Variants in RABGAP1L observed in about 807,000 individuals in gnomAD.
The protein encoded by RABGAP1L is rab GTPase-activating protein 1-like.
A neutral mutation model predicts 137.7 loss-of-function variants in RABGAP1L; 63 were observed. The ratio of observed to expected loss-of-function variants is 0.46; its 90% CI spans 0.37 to 0.56. The LOEUF is 0.56. Among genes scored for constraint, RABGAP1L ranks in the 20% least tolerant of loss-of-function variants. The probability of loss-of-function intolerance (pLI) is 0.00; values close to 1 mark genes in which losing one functional copy is unlikely to be tolerated. For synonymous variants in RABGAP1L, 431 were observed against 433.7 expected (o/e 0.99, Z 0.08); for missense variants, 1,095 against 1,244.0 (o/e 0.88, Z 1.80).
intron 14 of RABGAP1L, among the ~76,000 whole-genome samples, chr1:174,677,799 G>A (rs572085530): frequency 1.3e-5 from 2 of 152,044 alleles, no homozygotes; most frequent in Non-Finnish European, 2.9e-5. Context: ...CAAGTTTATA[G>A]CTTTAAATGC....
At chr1:174,571,062 T>A (rs933059504) in intron 13 of RABGAP1L, among the ~76,000 whole-genome samples, 16 of 152,164 alleles carry the variant, frequency 1.1e-4, no homozygotes, top group African/African-American at 3.4e-4. Context: ...ATGTTGTACA[T>A]TTCCACAATG....
intron 19 of RABGAP1L, among the ~76,000 whole-genome samples, chr1:174,840,191 CA>C (rs1475687403): frequency 3.3e-5 from 5 of 151,964 alleles, no homozygotes; most frequent in Non-Finnish European, 7.4e-5. Context: ...GGAGAATTGG[CA>C]AAAAATAAAT....
chr1:174,305,003 T>C lies in RABGAP1L; in HGVS notation c.1341T>C (p.His447=). The C allele has an allele frequency of 6.4e-7, 1 of 1,553,950 alleles. No homozygotes were observed. The highest frequency in any genetic ancestry group is 8.7e-7 in the Non-Finnish European group (1 of 1,155,880). ...TTTCTCAGTCTGAGGGAAAAGGCCA[T>C]ACCAATGCTGGAGATGCAATATATG... is the stretch of plus-strand genomic sequence containing the variant. The part of the protein sequence containing the change: ...MRLKQSEGKG[H]TNAGDAIYEV... The change falls in exon 11 of 26, where the codon CAT becomes CAC. Residue 447 remains histidine (H), a synonymous_variant. Coordinates refer to ENST00000681986, the MANE Select transcript of RABGAP1L (RefSeq NM_001366446.1).
chr1:174,354,604 G>A (rs1440443623), intron 11 of RABGAP1L, among the ~76,000 whole-genome samples: 1 of 152,162 alleles, frequency 6.6e-6, no homozygotes, highest in Non-Finnish European at 1.5e-5. Flanking sequence ...CTCCCATTTT[G>A]TAGGTTGCCT....
chr1:174,474,337 C>G (rs995785368), intron 13 of RABGAP1L, among the ~76,000 whole-genome samples: 1 of 152,024 alleles, frequency 6.6e-6, no homozygotes, highest in African/African-American at 2.4e-5. Context: ...AACATAAAAC[C>G]CAGAATAATA....
At chr1:174,326,212 A>G (rs1193815660) in intron 11 of RABGAP1L, among the ~76,000 whole-genome samples, 1 of 152,230 alleles carries the variant, frequency 6.6e-6, no homozygotes, top group African/African-American at 2.4e-5. Flanking sequence ...GGACAAAGCA[A>G]GGTCCTAACA....
At chr1:174,231,800 G>C (rs1283723122) in intron 4 of RABGAP1L, among the ~76,000 whole-genome samples, 1 of 152,062 alleles carries the variant, frequency 6.6e-6, no homozygotes, top group Non-Finnish European at 1.5e-5. Context: ...AAACAACCAG[G>C]TTTCATGAGA....
intron 16 of RABGAP1L, among the ~76,000 whole-genome samples, chr1:174,701,802 C>G (rs554762013): frequency 6.6e-6 from 1 of 151,486 alleles, no homozygotes; most frequent in South Asian, 2.1e-4. Flanking sequence ...ACCCTGGAGT[C>G]AAGATACTCA....
chr1:174,565,504 C>A (rs1277145074), intron 13 of RABGAP1L, among the ~76,000 whole-genome samples: 2 of 152,086 alleles, frequency 1.3e-5, no homozygotes, highest in East Asian at 1.9e-4. Flanking sequence ...TCATTTATGA[C>A]CCCTGTCTGT....
intron 10 of RABGAP1L, among the ~76,000 whole-genome samples, chr1:174,292,457 A>T (rs1333255101): frequency 1.4e-5 from 2 of 143,962 alleles, no homozygotes; most frequent in Non-Finnish European, 3.0e-5. Context: ...TTGTGTGTTC[A>T]TTTTAATTAT....
At chr1:174,524,204 G>T (rs57567908) in intron 13 of RABGAP1L, among the ~76,000 whole-genome samples, 53,605 of 148,126 alleles carry the variant, frequency 0.36, 9,793 homozygotes, top group African/African-American at 0.42. Context: ...TGTTGTTGTT[G>T]TTGTTTTTTT....
At chr1:174,213,252 C>T (rs1669036694) in intron 1 of RABGAP1L, among the ~76,000 whole-genome samples, 1 of 152,140 alleles carries the variant, frequency 6.6e-6, no homozygotes, top group South Asian at 2.1e-4. Context: ...TGGTGAAACC[C>T]TGTCTCTACT....
chr1:174,590,059 A>T (rs1203508092), intron 13 of RABGAP1L, among the ~76,000 whole-genome samples: 1 of 151,168 alleles, frequency 6.6e-6, no homozygotes, highest in Admixed American at 6.6e-5. Context: ...ACATTTTAAC[A>T]ATATTGATTC....
At chr1:174,663,201 T>C (rs1268504526) in intron 14 of RABGAP1L, among the ~76,000 whole-genome samples, 2 of 152,210 alleles carry the variant, frequency 1.3e-5, no homozygotes, top group African/African-American at 4.8e-5. Flanking sequence ...TCCTGCCAGC[T>C]GCATTCTCAG....
At chr1:174,860,328 C>T (rs891741592) in intron 19 of RABGAP1L, among the ~76,000 whole-genome samples, 1 of 151,812 alleles carries the variant, frequency 6.6e-6, no homozygotes, top group Admixed American at 6.6e-5. Flanking sequence ...TTAGCCATGC[C>T]CAGTGGTACA....
intron 1 of RABGAP1L, among the ~76,000 whole-genome samples, chr1:174,185,795 C>G (rs1369322418): frequency 6.6e-6 from 1 of 152,136 alleles, no homozygotes; most frequent in African/African-American, 2.4e-5. Context: ...CAAGTATTTT[C>G]CTGGGACAGA....
chr1:174,652,795 C>G (rs991596886), intron 14 of RABGAP1L, among the ~76,000 whole-genome samples: 3 of 152,196 alleles, frequency 2.0e-5, no homozygotes, highest in Non-Finnish European at 4.4e-5. Flanking sequence ...CTTGAGGTGG[C>G]AGTCTGTCCC....
chr1:174,356,170 A>G (rs921180032), intron 11 of RABGAP1L, among the ~76,000 whole-genome samples: 3 of 152,080 alleles, frequency 2.0e-5, no homozygotes, highest in Non-Finnish European at 4.4e-5. Flanking sequence ...ACCTTTTCAG[A>G]TCTGTGCTTC....
chr1:174,186,998 A>G (rs991586339), intron 1 of RABGAP1L, among the ~76,000 whole-genome samples: 31 of 152,148 alleles, frequency 2.0e-4, no homozygotes, highest in Non-Finnish European at 3.5e-4. Flanking sequence ...TTCGAAATCT[A>G]CTTATCCTTA....
Sources: gnomAD v4.1 joint callset for allele counts (sites outside exome capture counted in the v4.1 genomes callset) on GRCh38, gnomAD v4.1.1 for gene constraint, MANE v1.5 for transcripts, NCBI Gene and HGNC (gene_info 2026-07-23, HGNC 2026-07-21) for gene names.